The following UGGT1 variants were observed in gnomAD, a reference collection of about 807,000 sequenced individuals.
The protein encoded by UGGT1 is UDP-glucose:glycoprotein glucosyltransferase 1.
In UGGT1, 107 loss-of-function variants were observed where a neutral mutation model predicts 203.9. The observed-to-expected ratio is 0.52, with a 90% CI of 0.45 to 0.62. The LOEUF is 0.62. UGGT1 is among the 20% of genes least tolerant of loss of function. The pLI is 0.00. For synonymous variants in UGGT1, 628 were observed against 653.5 expected (o/e 0.96, Z 0.59); for missense variants, 1,673 against 1,867.2 (o/e 0.90, Z 1.92).
rs764730071 is a variant in UGGT1 at position 128,152,858 on chromosome 2, T to C, written c.2091T>C (p.Ser697=). ...NQPNVVPRIN[S]RILTAERDYL... is the part of the protein sequence containing the mutation. ...CAAATGTTGTTCCACGAATCAATTC[T>C]AGGATTTTGACAGCTGAACGAGACT... The change falls in exon 19 of 41, where the codon TCT becomes TCC. Residue 697 remains serine, a synonymous_variant. Transcript: ENST00000259253. 2 of 1,613,998 alleles carry C rather than the reference T, an allele frequency of 1.2e-6. No individual in the cohort carries two copies. Among genetic ancestry groups the C allele is most frequent in the African/African-American group, 2.7e-5 (2 of 74,922 alleles).
At chr2:128,148,683 C>T (rs910336561) in intron 18 of UGGT1, among the ~76,000 whole-genome samples, 3 of 152,322 alleles carry the variant, frequency 2.0e-5, no homozygotes, top group African/African-American at 7.2e-5. Flanking sequence ...GGGCATGGTG[C>T]TTATGGTCTC....
At position 128,189,769 on chromosome 2, in the gene UGGT1, C is replaced by T; in HGVS notation, c.*27C>T. On this transcript the variant is annotated 3_prime_UTR_variant, in exon 41 of 41. Coordinates refer to ENST00000259253, the MANE Select transcript of UGGT1 (RefSeq NM_020120.4). ...CTCTGGAGAAGGACAGGAAATCACC[C>T]CATTTGAAAAACAGTTTTTATAATA... 2 of 1,611,356 alleles carry T rather than the reference C, an allele frequency of 1.2e-6. No homozygotes were observed. The highest frequency in any genetic ancestry group is 1.7e-6 in the Non-Finnish European group (2 of 1,178,292).
intron 7 of UGGT1, 128 bp from the exon 8 acceptor site, chr2:128,116,137 A>T: frequency 1.8e-6 from 1 of 570,552 alleles, no homozygotes; most frequent in African/African-American, 1.9e-5. Flanking sequence ...AGCATTTTAA[A>T]TGGTATAATT....
At chr2:128,091,483 G>C in intron 1 of UGGT1, 68 bp downstream of exon 1, 1 of 1,529,198 alleles carries the variant, frequency 6.5e-7, no homozygotes, top group Non-Finnish European at 8.8e-7. Context: ...GCGACCCTGT[G>C]CCCCTGTCAC....
chr2:128,163,668 C>T (rs866061200), intron 25 of UGGT1, among the ~76,000 whole-genome samples: 8 of 150,950 alleles, frequency 5.3e-5, no homozygotes, highest in Admixed American at 2.0e-4. Flanking sequence ...TGAGCGAGAT[C>T]GCGCCACTGC....
rs148868667 is a variant in UGGT1 at position 128,138,829 on chromosome 2, C to T, written c.1696C>T (p.His566Tyr). 2.7e-5 allele frequency: 44 copies of T among 1,614,102 alleles called. No individual in the cohort carries two copies. In the African/African-American group the frequency reaches 4.3e-4, roughly 16 times the overall value. Residue 566 changes from histidine (H) to tyrosine (Y), a missense_variant, in exon 16 of 41, where the codon CAT becomes TAT. Transcript: ENST00000259253. ...TGTTGCCCAAGAAGTGGATGATTAT[C>T]ATGCCTTCCAGACTCTGACACATGT... is the stretch of plus-strand genomic sequence containing the variant. Reference protein sequence around the residue: ...NYVAQEVDDYHAFQTLTHIYN... With the variant: ...NYVAQEVDDYYAFQTLTHIYN...
At chr2:128,128,455 G>A (rs1688712933) in intron 12 of UGGT1, among the ~76,000 whole-genome samples, 1 of 151,996 alleles carries the variant, frequency 6.6e-6, no homozygotes, top group Admixed American at 6.6e-5. Context: ...GGGATTACAG[G>A]CACCTGCCAC....
intron 8 of UGGT1, 61 bp from the exon 9 acceptor site, chr2:128,120,292 ACTT>A (rs1688315268): frequency 2.7e-6 from 4 of 1,505,088 alleles, no homozygotes; most frequent in East Asian, 2.3e-5. Flanking sequence ...AAGTTGGTTT[ACTT>A]CTTCTTATGC....
rs932998298 is a variant in UGGT1, at chr2:128,113,532, A to G, written c.696+274A>G. Among the ~76,000 whole-genome samples, 7 of 152,348 alleles carry G rather than the reference A, an allele frequency of 4.6e-5. No homozygotes were observed. In the East Asian group the frequency reaches 7.7e-4, roughly 17 times the overall value. On this transcript the variant is annotated intron_variant, in intron 6 of 40. Coordinates refer to ENST00000259253, the MANE Select transcript of UGGT1 (RefSeq NM_020120.4). ...GTAAATAATCTTTTCTGATTTTAAT[A>G]TGGTCATCATACTATGGAACTGATT...
At chr2:128,180,768 A>G in intron 35 of UGGT1, 122 bp from the exon 36 acceptor site, 4 of 1,037,628 alleles carry the variant, frequency 3.9e-6, no homozygotes, top group Non-Finnish European at 2.8e-6. Flanking sequence ...CGGTCTTTGT[A>G]AGACCACTGT....
intron 13 of UGGT1, among the ~76,000 whole-genome samples, chr2:128,129,717 A>G (rs1688785844): frequency 1.3e-5 from 2 of 151,938 alleles, no homozygotes; most frequent in South Asian, 4.1e-4. Context: ...GATTTTTTTC[A>G]CTTGAGCATG....
chr2:128,138,236 G>A (rs963812252), intron 15 of UGGT1, among the ~76,000 whole-genome samples: 2 of 152,136 alleles, frequency 1.3e-5, no homozygotes, highest in African/African-American at 4.8e-5. Context: ...TACTTTGTAA[G>A]TGGCCGGGCA....
intron 19 of UGGT1, among the ~76,000 whole-genome samples, chr2:128,154,308 A>G (rs937513624): frequency 6.6e-6 from 1 of 152,226 alleles, no homozygotes; most frequent in Non-Finnish European, 1.5e-5. Flanking sequence ...TGGAATACAC[A>G]TGAATAAGGA....
At position 128,189,752 on chromosome 2, in the gene UGGT1, A is replaced by G; in HGVS notation, c.*10A>G. ...ACGTGAAGAATTATGATCTCTGGAG[A>G]AGGACAGGAAATCACCCCATTTGAA... On this transcript the variant is annotated 3_prime_UTR_variant, in exon 41 of 41. Coordinates refer to ENST00000259253, the MANE Select transcript of UGGT1 (RefSeq NM_020120.4). 3.1e-6 allele frequency: 5 copies of G among 1,612,918 alleles called. No individual in the cohort carries two copies. The highest frequency in any genetic ancestry group is 4.2e-6 in the Non-Finnish European group (5 of 1,179,298).
chr2:128,157,879 TG>T (rs1369461009), intron 22 of UGGT1, among the ~76,000 whole-genome samples: 1 of 152,064 alleles, frequency 6.6e-6, no homozygotes, highest in Non-Finnish European at 1.5e-5. Context: ...TTCTGGAGAG[TG>T]TCATCGTTAG....
At chr2:128,145,651 C>A in intron 17 of UGGT1, 152 bp from the exon 18 acceptor site, 1 of 774,512 alleles carries the variant, frequency 1.3e-6, no homozygotes, top group Non-Finnish European at 1.9e-6. Context: ...TGTCATTTTT[C>A]ATTTTTTTAA....
chr2:128,144,557 T>C (rs1213698955), intron 17 of UGGT1, among the ~76,000 whole-genome samples: 1 of 152,248 alleles, frequency 6.6e-6, no homozygotes, highest in Admixed American at 6.5e-5. Context: ...AATTGAGTTT[T>C]AATGGATATC....
intron 8 of UGGT1, among the ~76,000 whole-genome samples, chr2:128,117,769 T>TTGATCTCC (rs1241160780): frequency 6.6e-6 from 1 of 151,978 alleles, no homozygotes; most frequent in Non-Finnish European, 1.5e-5. Flanking sequence ...CAGGATGATC[T>TTGATCTCC]TGATCTCCTG....
intron 1 of UGGT1, among the ~76,000 whole-genome samples, 179 bp from the exon 2 acceptor site, chr2:128,097,250 C>T (rs986887738): frequency 2.0e-4 from 31 of 152,246 alleles, no homozygotes; most frequent in African/African-American, 7.5e-4. Context: ...GTGGTGCGTG[C>T]CTGTAATCCC....
Sources: gnomAD v4.1 joint callset for allele counts (sites outside exome capture counted in the v4.1 genomes callset) on GRCh38, gnomAD v4.1.1 for gene constraint, MANE v1.5 for transcripts, NCBI Gene and HGNC (gene_info 2026-07-23, HGNC 2026-07-21) for gene names.